Variants in TRIOBP observed in about 807,000 individuals in gnomAD.
TRIOBP encodes TRIO and F-actin binding protein.
TRIOBP carries 169 observed loss-of-function variants against 238.8 expected under a neutral mutation model. The observed-to-expected ratio is 0.71, with a 90% CI of 0.62 to 0.80. The LOEUF (loss-of-function observed/expected upper bound fraction) is 0.80, where lower values mean the gene tolerates loss of function less well. Ranked by LOEUF, TRIOBP falls within the 30% of genes least tolerant of loss-of-function variation. The pLI is 0.00. For missense variants in TRIOBP, 2,838 were observed against 3,122.6 expected, an observed-to-expected ratio of 0.91 and a Z score of 2.17; for synonymous variants, 1,150 against 1,274.4, an observed-to-expected ratio of 0.90 and a Z score of 2.08.
intron 17 of TRIOBP, chr22:37,759,838 T>C: frequency 8.4e-7 from 1 of 1,186,212 alleles, no homozygotes. Flanking sequence ...TAGGACAAAC[T>C]AACTCTCTAG....
intron 3 of TRIOBP, among the ~76,000 whole-genome samples, 154 bp downstream of exon 3, chr22:37,701,633 A>G (rs1922649920): frequency 6.6e-6 from 1 of 152,196 alleles, no homozygotes; most frequent in Non-Finnish European, 1.5e-5. Context: ...GAAGTGGTTG[A>G]ACCATGTGAA....
At chr22:37,704,497 G>T (rs1922836250) in intron 3 of TRIOBP, among the ~76,000 whole-genome samples, 1 of 151,614 alleles carries the variant, frequency 6.6e-6, no homozygotes, top group Non-Finnish European at 1.5e-5. Flanking sequence ...GGGAGAGAGA[G>T]GAGGAGAGGA....
At chr22:37,746,253 G>A (rs1475292743) in intron 11 of TRIOBP, 2 of 1,088,924 alleles carry the variant, frequency 1.8e-6, no homozygotes, top group African/African-American at 1.7e-5. Context: ...CGGATGGAAG[G>A]GGCCGGGGCA....
chr22:37,745,272 G>A (rs914303508), intron 11 of TRIOBP, among the ~76,000 whole-genome samples: 2 of 152,124 alleles, frequency 1.3e-5, no homozygotes, highest in African/African-American at 4.8e-5. Flanking sequence ...GGGATAAAGA[G>A]GTTGTCCTAG....
At chr22:37,717,518 G>C (rs980164734) in intron 6 of TRIOBP, among the ~76,000 whole-genome samples, 1 of 152,154 alleles carries the variant, frequency 6.6e-6, no homozygotes, top group African/African-American at 2.4e-5. Context: ...CCCTGAGCTT[G>C]ACACAAAGGT....
chr22:37,702,308 G>A (rs1056486087), intron 3 of TRIOBP, among the ~76,000 whole-genome samples: 1 of 151,854 alleles, frequency 6.6e-6, no homozygotes, highest in African/African-American at 2.4e-5. Context: ...AGGTTCAAGC[G>A]ATCCTCCCGC....
chr22:37,733,476 G>T (rs1601638451), intron 8 of TRIOBP, 64 bp downstream of exon 8: 1 of 1,287,928 alleles, frequency 7.8e-7, no homozygotes, highest in Non-Finnish European at 1.1e-6. Context: ...CTTCCCTCCC[G>T]CTAGAAGCCA....
At position 37,769,139 on chromosome 22, in the gene TRIOBP, G is replaced by T. The variant is rs766094655; in HGVS notation, c.6687G>T (p.Thr2229=). 22 of 1,612,312 alleles carry T rather than the reference G, an allele frequency of 1.4e-5. No homozygotes were observed. Among genetic ancestry groups the T allele is most frequent in the Non-Finnish European group, 1.9e-5 (22 of 1,179,668 alleles). ...GGCAGGCTGAGGAGCGCGAGCACAC[G>T]CTGCGCCGCTGCCAGCAGGAGGGCC... The part of the protein sequence containing the change: ...LMRQAEEREH[T]LRRCQQEGQE... Residue 2229 remains threonine, a synonymous_variant, in exon 20 of 24, where the codon ACG becomes ACT. Coordinates refer to ENST00000644935, the MANE Select transcript of TRIOBP (RefSeq NM_001039141.3).
chr22:37,746,725 C>T (rs1925298526), intron 11 of TRIOBP, among the ~76,000 whole-genome samples: 1 of 152,248 alleles, frequency 6.6e-6, no homozygotes, highest in Non-Finnish European at 1.5e-5. Flanking sequence ...CGGGTGGATT[C>T]GGGGCGACCC....
chr22:37,725,327 C>T lies in TRIOBP; in HGVS notation c.2771C>T (p.Pro924Leu), dbSNP rs1006096448. ...TQSDGPRTSS[P>L]SRSKQSEVPW... is the part of the protein sequence containing the mutation. ...AGTGATGGTCCCCGAACCTCTTCCC[C>T]ATCTCGCTCCAAGCAAAGCGAGGTT... is the stretch of plus-strand genomic sequence containing the variant. Residue 924 changes from proline to leucine, a missense_variant, in exon 7 of 24, where the codon CCA (proline) becomes CTA (leucine). Physicochemically the swap from Pro to Leu is moderately conservative, Grantham distance 98. This residue lies in a region of TRIOBP where 2,096 missense variants were observed against 2,137.4 expected (regional missense o/e 0.98). Transcript: ENST00000644935. 5.6e-6 allele frequency: 9 copies of T among 1,613,802 alleles called. No homozygotes were observed. Among genetic ancestry groups the T allele is most frequent in the Middle Eastern group, 3.3e-4 (2 of 6,084 alleles).
intron 11 of TRIOBP, 77 bp downstream of exon 11, chr22:37,741,109 G>A: frequency 1.3e-6 from 2 of 1,525,424 alleles, no homozygotes; most frequent in Non-Finnish European, 1.8e-6. Flanking sequence ...GGGCTGTTAA[G>A]CAAAGGAGAG....
At chr22:37,773,569 C>T (rs1463564907) in intron 23 of TRIOBP, among the ~76,000 whole-genome samples, 2 of 152,162 alleles carry the variant, frequency 1.3e-5, no homozygotes, top group African/African-American at 4.8e-5. Context: ...CTGGAGCATC[C>T]TCTTTCTGAT....
chr22:37,698,154 C>T (rs1040193707), intron 2 of TRIOBP, among the ~76,000 whole-genome samples: 9 of 140,490 alleles, frequency 6.4e-5, no homozygotes, highest in East Asian at 2.3e-4. Context: ...GAGCCGAGAT[C>T]GCGCCACTGC....
At chr22:37,766,225 G>A (rs531648858) in intron 18 of TRIOBP, among the ~76,000 whole-genome samples, 48 of 152,246 alleles carry the variant, frequency 3.2e-4, no homozygotes, top group Non-Finnish European at 5.9e-4. Context: ...GAAGGTGTGA[G>A]CATTGTCCAT....
intron 11 of TRIOBP, among the ~76,000 whole-genome samples, chr22:37,750,400 C>A (rs1296402479): frequency 6.6e-6 from 1 of 152,216 alleles, no homozygotes; most frequent in African/African-American, 2.4e-5. Flanking sequence ...ATTTCCTCAG[C>A]AAGTTTTTCC....
chr22:37,730,631 C>T (rs745772435), intron 7 of TRIOBP, among the ~76,000 whole-genome samples: 9 of 152,042 alleles, frequency 5.9e-5, no homozygotes, highest in African/African-American at 1.7e-4. Context: ...AGTAAGGAAA[C>T]GCACTCACCT....
At chr22:37,762,542 C>T (rs893492345) in intron 17 of TRIOBP, among the ~76,000 whole-genome samples, 2 of 152,222 alleles carry the variant, frequency 1.3e-5, no homozygotes, top group Non-Finnish European at 2.9e-5. Context: ...GGAGTTCAGG[C>T]GGTCTGGTCC....
rs1925835463 is a variant in TRIOBP at position 37,754,968 on chromosome 22, A to C, written c.5471A>C (p.Asp1824Ala). Residue 1824 changes from aspartate (D) to alanine (A), a missense_variant, in exon 13 of 24, where the codon GAC (aspartate) becomes GCC (alanine). Physicochemically the swap from Asp to Ala is moderately radical, Grantham distance 126 (BLOSUM62 -2). Around this residue, in one of 5 missense-constraint regions of TRIOBP, gnomAD observed 2,096 missense variants for 2,137.4 expected, o/e 0.98. Transcript: ENST00000644935. ...GATTCAAGTCTCAAATATTACAGAG[A>C]CTCCACTGCTGAGGAGGTGAGGCCA... ...LTDSSLKYYR[D>A]STAEEADELD... The C allele has an allele frequency of 5.6e-6, 9 of 1,613,568 alleles. No individual in the cohort carries two copies. Among genetic ancestry groups the C allele is most frequent in the Non-Finnish European group, 7.6e-6 (9 of 1,179,960 alleles).
chr22:37,773,052 A>G (rs1431579681), intron 23 of TRIOBP, among the ~76,000 whole-genome samples: 2 of 152,220 alleles, frequency 1.3e-5, no homozygotes, highest in African/African-American at 4.8e-5. Context: ...AGGCAAATGC[A>G]GCGTGCACAT....
Sources: allele counts gnomAD v4.1 joint callset (sites outside exome capture counted in the v4.1 genomes callset), GRCh38; gene constraint gnomAD v4.1.1; regional missense constraint gnomAD v4.1.1; transcripts MANE v1.5; gene names NCBI Gene and HGNC (gene_info 2026-07-23, HGNC 2026-07-21).